Variants in YTHDC2 observed in about 807,000 individuals in gnomAD.
YTHDC2 encodes 3'-5' RNA helicase YTHDC2.
A neutral mutation model predicts 174.9 loss-of-function variants in YTHDC2; 45 were observed. That is an observed-to-expected ratio of 0.26 (90% confidence interval 0.20 to 0.33). The LOEUF (loss-of-function observed/expected upper bound fraction) is 0.33, where lower values mean the gene tolerates loss of function less well. YTHDC2 is among the 10% of genes least tolerant of loss of function. YTHDC2 has a pLI of 1.00. For missense variants in YTHDC2, 1,650 were observed against 1,723.7 expected (o/e 0.96, Z 0.76); for synonymous variants, 657 against 574.5 (o/e 1.14, Z -2.05).
chr5:113,585,622 T>C (rs1197543439), intron 26 of YTHDC2, among the ~76,000 whole-genome samples: 1 of 151,930 alleles, frequency 6.6e-6, no homozygotes, highest in Non-Finnish European at 1.5e-5. Flanking sequence ...TAACCCACTG[T>C]TCTGCTCTTT....
At chr5:113,555,810 C>T (rs1345779162) in intron 16 of YTHDC2, among the ~76,000 whole-genome samples, 2 of 152,152 alleles carry the variant, frequency 1.3e-5, no homozygotes, top group Non-Finnish European at 2.9e-5. Flanking sequence ...AATAGCTCAG[C>T]AGAGCACAGA....
Position 113,532,937 on chromosome 5 carries a change from G to A in YTHDC2, c.734G>A (p.Cys245Tyr). The A allele has an allele frequency of 1.2e-6, 2 of 1,614,124 alleles. No individual in the cohort carries two copies. Among genetic ancestry groups the A allele is most frequent in the Non-Finnish European group, 1.7e-6 (2 of 1,180,016 alleles). The stretch of plus-strand genomic sequence containing the variant: ...AATGGTATCCCCTGCCGTATATTTT[G>A]TACTCAACCAAGACGATTGGCAGCT... Reference protein sequence around the residue: ...FKNGIPCRIFCTQPRRLAAIA... With the variant: ...FKNGIPCRIFYTQPRRLAAIA... Residue 245 changes from cysteine to tyrosine, a missense_variant, in exon 5 of 30, where the codon TGT becomes TAT. Cys to Tyr is a radical substitution (Grantham distance 194, BLOSUM62 -2). Transcript: ENST00000161863.
At chr5:113,584,268 A>G (rs368078607) in intron 25 of YTHDC2, 34 bp from the exon 26 acceptor site, 1 of 1,577,258 alleles carries the variant, frequency 6.3e-7, no homozygotes, top group Non-Finnish European at 8.6e-7. Context: ...GAACTTATAT[A>G]TAACTGATCT....
chr5:113,554,006 C>T lies in YTHDC2; in HGVS notation c.2117C>T (p.Ser706Phe). ...TVNDVVFVID[S>F]GKVKEKSFDA... The stretch of plus-strand genomic sequence containing the variant: ...AATGATGTTGTCTTTGTTATTGATT[C>T]TGGTAAGGTGAAAGAGGTATGTATG... The change falls in exon 16 of 30, where the codon TCT becomes TTT. Residue 706 changes from serine (S) to phenylalanine (F), a missense_variant. Transcript: ENST00000161863. 6.4e-7 allele frequency: 1 copy of T among 1,570,936 alleles called. No homozygotes were observed. Among genetic ancestry groups the T allele is most frequent in the Non-Finnish European group, 8.6e-7 (1 of 1,160,618 alleles).
chr5:113,524,285 T>G (rs144653694), intron 2 of YTHDC2, among the ~76,000 whole-genome samples: 121 of 152,274 alleles, frequency 7.9e-4, no homozygotes, highest in African/African-American at 2.7e-3. Context: ...CTATACCTAC[T>G]ACTCTTAGAG....
At chr5:113,570,969 A>G (rs1221533278) in intron 23 of YTHDC2, among the ~76,000 whole-genome samples, 1 of 151,860 alleles carries the variant, frequency 6.6e-6, no homozygotes, top group African/African-American at 2.4e-5. Flanking sequence ...AATACTCTTC[A>G]TTTTTTTCTC....
chr5:113,584,760 T>C (rs1778583700), intron 26 of YTHDC2, among the ~76,000 whole-genome samples: 1 of 150,744 alleles, frequency 6.6e-6, no homozygotes, highest in Non-Finnish European at 1.5e-5. Flanking sequence ...TTCTTTCCTA[T>C]TTCTTTCGAA....
Position 113,513,946 on chromosome 5 carries a change from C to T in YTHDC2, c.51C>T (p.Gly17=), listed in dbSNP as rs1331279255. 4 of 1,602,662 alleles carry T rather than the reference C, an allele frequency of 2.5e-6. No individual in the cohort carries two copies. The highest frequency in any genetic ancestry group is 2.2e-5 in the East Asian group (1 of 44,512). ...CGCGGCAGCCGGCTCCTGGCGGTGG[C>T]GGAGGCGGCGGCCCCTCGCCTTGTG... The part of the protein sequence containing the change: ...VSPRQPAPGG[G]GGGGPSPCGP... Residue 17 remains glycine (G), a synonymous_variant, in exon 1 of 30, where the codon GGC becomes GGT. Transcript: ENST00000161863.
chr5:113,576,674 T>A (rs568927344), intron 23 of YTHDC2, among the ~76,000 whole-genome samples: 77 of 152,310 alleles, frequency 5.1e-4, no homozygotes, highest in Non-Finnish European at 8.1e-4. Flanking sequence ...CTCCATGCAT[T>A]TCTTTATATT....
At position 113,561,459 on chromosome 5, in the gene YTHDC2, ATCTATCTATC is replaced by A. The variant is rs1561674852; in HGVS notation, c.2322+276_2322+285del. Among the ~76,000 whole-genome samples the A allele has an allele frequency of 5.7e-5, 8 of 140,958 alleles. No homozygotes were observed. The East Asian group carries it at 7.9e-4, about 14-fold the overall frequency. 92.5% of individuals were successfully genotyped at this position (140,958 alleles called of 152,430 possible). A position where few individuals can be genotyped will look rare whatever the true frequency, so the allele number is the denominator to read the frequency against. ...ATATTTTTTATCTATCTATCTATCT[ATCTATCTATC>A]TATATTTTTTTTTTTTTGAGTCAGA... On this transcript the variant is annotated intron_variant, in intron 18 of 29. Transcript: ENST00000161863.
chr5:113,567,196 T>G lies in YTHDC2; in HGVS notation c.2947T>G (p.Leu983Val). The G allele has an allele frequency of 6.2e-7, 1 of 1,613,832 alleles. No homozygotes were observed. Among genetic ancestry groups the G allele is most frequent in the Non-Finnish European group, 8.5e-7 (1 of 1,179,930 alleles). ...ATTGGTGGCAGGCATGTATCCTAAT[T>G]TAGTCCACGTGGACAGAGAGAATCT... is the stretch of plus-strand genomic sequence containing the variant. ...AALVAGMYPN[L>V]VHVDRENLVL... The change falls in exon 22 of 30, where the codon TTA (leucine) becomes GTA (valine). Residue 983 changes from leucine to valine, a missense_variant. Leu to Val is a conservative substitution (Grantham distance 32). Coordinates refer to ENST00000161863, the MANE Select transcript of YTHDC2 (RefSeq NM_022828.5).
Position 113,581,605 on chromosome 5 carries a change from T to G in YTHDC2, c.3543T>G (p.Pro1181=). 1 of 1,614,022 alleles carries G rather than the reference T, an allele frequency of 6.2e-7. No individual in the cohort carries two copies. The highest frequency in any genetic ancestry group is 8.5e-7 in the Non-Finnish European group (1 of 1,179,928). ...CTGGGATTGGCCAAAGGCCAAGGCC[T>G]ATGTCTTCAGAAGAGCTTCCTTTGG... The part of the protein sequence containing the change: ...QPSGIGQRPR[P]MSSEELPLAS... Residue 1181 remains proline (P), a synonymous_variant, in exon 25 of 30, where the codon CCT becomes CCG. Coordinates refer to ENST00000161863, the MANE Select transcript of YTHDC2 (RefSeq NM_022828.5).
chr5:113,566,652 C>G (rs886955809), intron 21 of YTHDC2, among the ~76,000 whole-genome samples: 1 of 152,000 alleles, frequency 6.6e-6, no homozygotes, highest in African/African-American at 2.4e-5. Context: ...ATATGAAGGA[C>G]TTTTGAAACT....
At chr5:113,540,271 G>A (rs954373193) in intron 8 of YTHDC2, among the ~76,000 whole-genome samples, 3 of 152,180 alleles carry the variant, frequency 2.0e-5, no homozygotes, top group Non-Finnish European at 4.4e-5. Context: ...TTTCTACAAA[G>A]TGCTGTATGA....
chr5:113,593,427 G>C, intron 29 of YTHDC2, 37 bp downstream of exon 29: 1 of 1,466,718 alleles, frequency 6.8e-7, no homozygotes, highest in East Asian at 2.3e-5. Context: ...GGCAGTATTT[G>C]TGATCATTAG....
Position 113,574,911 on chromosome 5 carries a change from C to G in YTHDC2, c.3245-4675C>G, listed in dbSNP as rs144399640. On this transcript the variant is annotated intron_variant, in intron 23 of 29. Coordinates refer to ENST00000161863, the MANE Select transcript of YTHDC2 (RefSeq NM_022828.5). The stretch of plus-strand genomic sequence containing the variant: ...CCCCTGATTCACAGGTTGCAAAGAT[C>G]CATGGGAGAAATGTGGTTTCCCGGG... 2.3e-4 allele frequency among the ~76,000 whole-genome samples: 35 copies of G among 152,286 alleles called. No homozygotes were observed. The East Asian group carries it at 6.0e-3, about 26-fold the overall frequency.
chr5:113,586,527 C>T (rs906301663), intron 26 of YTHDC2, among the ~76,000 whole-genome samples: 5 of 151,796 alleles, frequency 3.3e-5, no homozygotes, highest in Non-Finnish European at 7.4e-5. Flanking sequence ...GAGTCCATTT[C>T]ATCAGCTTTT....
intron 17 of YTHDC2, among the ~76,000 whole-genome samples, chr5:113,557,747 C>T (rs1776708771): frequency 6.6e-6 from 1 of 152,150 alleles, no homozygotes; most frequent in African/African-American, 2.4e-5. Context: ...CTGCCGTGAG[C>T]TGTGATCATA....
rs190644239 is a variant in YTHDC2, at chr5:113,515,392, A to T, written c.278+30A>T. ...GCTGGTAGCTTTTCTTATTTTTTTT[A>T]AAAAAGATTATTTGCCCAAAAAAGG... On this transcript the variant is annotated intron_variant, in intron 2 of 29. Coordinates refer to ENST00000161863, the MANE Select transcript of YTHDC2 (RefSeq NM_022828.5). The T allele has an allele frequency of 5.2e-3, 8,128 of 1,558,254 alleles. 30 individuals are homozygous for T. The highest frequency in any genetic ancestry group is 6.6e-3 in the Admixed American group (354 of 53,540).
Sources: gnomAD v4.1 joint callset for allele counts (sites outside exome capture counted in the v4.1 genomes callset) on GRCh38, gnomAD v4.1.1 for gene constraint, MANE v1.5 for transcripts, NCBI Gene and HGNC (gene_info 2026-07-23, HGNC 2026-07-21) for gene names.